Variants in RBFOX1 observed in about 807,000 individuals in gnomAD.
The protein encoded by RBFOX1 is RNA binding protein fox-1 homolog 1.
RBFOX1 carries 8 observed loss-of-function variants against 57.7 expected under a neutral mutation model. The observed-to-expected ratio is 0.14, with a 90% CI of 0.08 to 0.25. The LOEUF (loss-of-function observed/expected upper bound fraction) is 0.25. Among genes scored for constraint, RBFOX1 ranks in the 10% least tolerant of loss-of-function variants. The pLI is 1.00. For missense variants in RBFOX1, 611 were observed against 548.5 expected, an observed-to-expected ratio of 1.11 and a Z score of -1.14; for synonymous variants, 326 against 222.4, an observed-to-expected ratio of 1.47 and a Z score of -4.15.
rs192061170 is a variant in RBFOX1, at chr16:7,542,684, G to A, written c.270+24295G>A. ...AGCCTGGCCAACATGGTGAAACCCT[G>A]TCTCTACTAAAAATGAAAAAAAAAA... On this transcript the variant is annotated intron_variant, in intron 5 of 15. Transcript: ENST00000550418. 6.0e-3 allele frequency among the ~76,000 whole-genome samples: 684 copies of A among 114,504 alleles called. 3 individuals are homozygous for A. The highest frequency in any genetic ancestry group is 8.4e-3 in the Non-Finnish European group (498 of 59,150). 75.1% of individuals were successfully genotyped at this position (114,504 alleles called of 152,430 possible). A position where few individuals can be genotyped will look rare whatever the true frequency, so the allele number is the denominator to read the frequency against.
chr16:7,413,761 A>G (rs1269155864), intron 4 of RBFOX1, among the ~76,000 whole-genome samples: 3 of 152,148 alleles, frequency 2.0e-5, no homozygotes, highest in African/African-American at 7.2e-5. Flanking sequence ...CAGTTTAATG[A>G]CAAGAGTATT....
At chr16:6,599,065 G>T (rs1200471957) in intron 2 of RBFOX1, among the ~76,000 whole-genome samples, 1 of 152,210 alleles carries the variant, frequency 6.6e-6, no homozygotes, top group Non-Finnish European at 1.5e-5. Flanking sequence ...GAGGTGAGAA[G>T]ATGAATGCTT....
At chr16:6,128,709 A>G (rs1378277747) in intron 1 of RBFOX1, among the ~76,000 whole-genome samples, 1 of 152,194 alleles carries the variant, frequency 6.6e-6, no homozygotes, top group Non-Finnish European at 1.5e-5. Flanking sequence ...TTGGCTGACT[A>G]TCCATGTCCA....
intron 4 of RBFOX1, among the ~76,000 whole-genome samples, chr16:7,141,512 G>T (rs1268155560): frequency 6.6e-6 from 1 of 152,186 alleles, no homozygotes; most frequent in Non-Finnish European, 1.5e-5. Context: ...ATGGAGTTTT[G>T]CTAGAGTGCA....
chr16:6,331,895 C>G (rs929480116), intron 2 of RBFOX1, among the ~76,000 whole-genome samples: 6 of 152,110 alleles, frequency 3.9e-5, no homozygotes, highest in African/African-American at 1.4e-4. Context: ...CTGCCATCTT[C>G]CATCCTACCT....
chr16:6,474,627 G>C (rs902626303), intron 2 of RBFOX1, among the ~76,000 whole-genome samples: 12 of 152,138 alleles, frequency 7.9e-5, no homozygotes, highest in Non-Finnish European at 1.6e-4. Flanking sequence ...GGTGCCCCAA[G>C]TGGGGCAGGT....
chr16:7,302,948 T>TA (rs567538434), intron 4 of RBFOX1, among the ~76,000 whole-genome samples: 2 of 151,700 alleles, frequency 1.3e-5, no homozygotes, highest in Non-Finnish European at 2.9e-5. Flanking sequence ...CAGGCAAGAA[T>TA]AAAAAAAATA....
At chr16:7,488,352 G>T (rs1262516949) in intron 4 of RBFOX1, among the ~76,000 whole-genome samples, 3 of 152,058 alleles carry the variant, frequency 2.0e-5, no homozygotes, top group African/African-American at 7.2e-5. Context: ...TAGTTGGATA[G>T]ATACACATTT....
At chr16:7,360,059 T>C (rs2097292352) in intron 4 of RBFOX1, among the ~76,000 whole-genome samples, 1 of 152,122 alleles carries the variant, frequency 6.6e-6, no homozygotes, top group African/African-American at 2.4e-5. Flanking sequence ...ATATAGTCTT[T>C]CTATAGTTGA....
upstream of RBFOX1, among the ~76,000 whole-genome samples, chr16:6,017,810 T>TA (rs1434346398): frequency 1.3e-5 from 2 of 152,172 alleles, no homozygotes; most frequent in Admixed American, 1.3e-4. Context: ...CGCTAGGAAA[T>TA]ACACGTACAT....
chr16:6,332,429 G>C (rs1567954661), intron 2 of RBFOX1, among the ~76,000 whole-genome samples: 1 of 152,172 alleles, frequency 6.6e-6, no homozygotes, highest in East Asian at 1.9e-4. Context: ...TATTAGAAAG[G>C]TTGGATAGCA....
chr16:7,303,955 T>C (rs965799886), intron 4 of RBFOX1, among the ~76,000 whole-genome samples: 1 of 151,830 alleles, frequency 6.6e-6, no homozygotes, highest in African/African-American at 2.4e-5. Context: ...GGTTCTCGTG[T>C]CACCTTCACA....
rs994461275 is a variant in RBFOX1, at chr16:5,618,031, A to C, written c.318+19070A>C. On this transcript the variant is annotated intron_variant, in intron 3 of 19. Coordinates refer to the RBFOX1 transcript ENST00000641259. Reference sequence around the variant, plus strand: ...AGGTATAACTTACATAACATAAATTATACAAATCTGGAGTACACAACATTA... The same window carrying C: ...AGGTATAACTTACATAACATAAATTCTACAAATCTGGAGTACACAACATTA... Among the ~76,000 whole-genome samples the C allele has an allele frequency of 2.6e-5, 4 of 152,218 alleles. 1 individual carries two copies. The highest frequency in any genetic ancestry group is 9.6e-5 in the African/African-American group (4 of 41,454).
chr16:5,409,679 G>GGA lies in RBFOX1; in HGVS notation c.220-57524_220-57523dup, dbSNP rs369569311. ...GAAGCGTATATTCATTCCAGCCAGA[G>GGA]GAGAGAGAGAGAGAAATAAACGTGT... On this transcript the variant is annotated intron_variant, in intron 1 of 2. Transcript: ENST00000585867. 1.0e-3 allele frequency among the ~76,000 whole-genome samples: 155 copies of GGA among 152,106 alleles called. 1 individual carries two copies. Among genetic ancestry groups the GGA allele is most frequent in the African/African-American group, 3.5e-3 (144 of 41,518 alleles).
intron 1 of RBFOX1, among the ~76,000 whole-genome samples, chr16:5,373,903 C>A (rs1415113545): frequency 6.6e-6 from 1 of 152,110 alleles, no homozygotes; most frequent in African/African-American, 2.4e-5. Flanking sequence ...TGTGCCCAGC[C>A]AAACTTCTTT....
chr16:5,982,514 G>A (rs1480497167), intron 4 of RBFOX1, among the ~76,000 whole-genome samples: 1 of 152,158 alleles, frequency 6.6e-6, no homozygotes, highest in Non-Finnish European at 1.5e-5. Flanking sequence ...GACCTCAGGT[G>A]ATCCGCCTTC....
At chr16:6,727,908 A>G (rs1259912285) in intron 3 of RBFOX1, among the ~76,000 whole-genome samples, 1 of 152,194 alleles carries the variant, frequency 6.6e-6, no homozygotes, top group Non-Finnish European at 1.5e-5. Flanking sequence ...GAAATCATAC[A>G]GCCTGTTTTG....
At chr16:6,522,236 A>T (rs779545398) in intron 2 of RBFOX1, among the ~76,000 whole-genome samples, 1 of 151,650 alleles carries the variant, frequency 6.6e-6, no homozygotes, top group African/African-American at 2.4e-5. Context: ...TCCCAAGTAG[A>T]TAAACCTCTG....
intron 1 of RBFOX1, among the ~76,000 whole-genome samples, chr16:6,045,348 A>G (rs906253385): frequency 1.3e-5 from 2 of 152,216 alleles, no homozygotes; most frequent in African/African-American, 4.8e-5. Flanking sequence ...GATTTGAATC[A>G]TGACTCCGAG....
Sources: gnomAD v4.1 joint callset for allele counts (sites outside exome capture counted in the v4.1 genomes callset) on GRCh38, gnomAD v4.1.1 for gene constraint, MANE v1.5 for transcripts, NCBI Gene and HGNC (gene_info 2026-07-23, HGNC 2026-07-21) for gene names.